Variants in ATOSA observed in about 807,000 individuals in gnomAD.
ATOSA encodes the protein atos homolog protein A.
the ATOSA span, among the ~76,000 whole-genome samples, chr15:52,603,421 G>A: frequency 1.3e-5 from 2 of 151,992 alleles, no homozygotes; most frequent in Non-Finnish European, 2.9e-5. Flanking sequence ...GACTATGGAA[G>A]TTCCTCAAAA....
the ATOSA span, among the ~76,000 whole-genome samples, chr15:52,640,598 A>AAAAAG: frequency 7.4e-6 from 1 of 135,692 alleles, no homozygotes; most frequent in Admixed American, 7.6e-5. Context: ...AAAAAAAAAA[A>AAAAAG]GGCAGCAATC....
chr15:52,597,048 G>A, the ATOSA span, among the ~76,000 whole-genome samples: 3 of 152,286 alleles, frequency 2.0e-5, no homozygotes, highest in African/African-American at 7.2e-5. Flanking sequence ...GCAAGGATGT[G>A]GAAGAACTAG....
At chr15:52,623,674 T>C in the ATOSA span, among the ~76,000 whole-genome samples, 13 of 152,294 alleles carry the variant, frequency 8.5e-5, no homozygotes, top group African/African-American at 2.9e-4. Context: ...AAGTGACCAT[T>C]GAATTTGACA....
At chr15:52,701,949 T>C in the ATOSA span, among the ~76,000 whole-genome samples, 4 of 151,744 alleles carry the variant, frequency 2.6e-5, no homozygotes, top group Non-Finnish European at 4.4e-5. Flanking sequence ...AAAAAATAAA[T>C]TTTAAAAAAG....
At chr15:52,659,245 A>G in the ATOSA span, among the ~76,000 whole-genome samples, 1 of 152,184 alleles carries the variant, frequency 6.6e-6, no homozygotes, top group South Asian at 2.1e-4. Context: ...CAGTACTTCT[A>G]GCACATATGT....
the ATOSA span, among the ~76,000 whole-genome samples, chr15:52,604,787 C>G: frequency 6.6e-6 from 1 of 152,052 alleles, no homozygotes; most frequent in African/African-American, 2.4e-5. Flanking sequence ...GATTCCAAAT[C>G]AAAAACAGCA....
the ATOSA span, among the ~76,000 whole-genome samples, chr15:52,594,516 G>A: frequency 6.6e-6 from 1 of 152,172 alleles, no homozygotes. Context: ...GAAAAGAAAT[G>A]CTACAAAGCC....
chr15:52,687,247 T>TA, the ATOSA span, among the ~76,000 whole-genome samples: 1 of 151,878 alleles, frequency 6.6e-6, no homozygotes, highest in Non-Finnish European at 1.5e-5. Context: ...CCACTACAAA[T>TA]ACAAAAAATT....
the ATOSA span, among the ~76,000 whole-genome samples, chr15:52,644,555 T>C: frequency 6.6e-6 from 1 of 152,192 alleles, no homozygotes; most frequent in East Asian, 1.9e-4. Context: ...GGCACTCAAA[T>C]GGATGTTTAA....
the ATOSA span, among the ~76,000 whole-genome samples, chr15:52,639,546 G>T: frequency 6.6e-6 from 1 of 152,170 alleles, no homozygotes; most frequent in East Asian, 1.9e-4. Flanking sequence ...TAGCAATTTA[G>T]TGCCAGTCAG....
chr15:52,664,727 A>G, the ATOSA span, among the ~76,000 whole-genome samples: 1 of 152,152 alleles, frequency 6.6e-6, no homozygotes, highest in Non-Finnish European at 1.5e-5. Context: ...AGGACTGCTC[A>G]AGGACAGGAG....
At chr15:52,684,503 C>G in the ATOSA span, among the ~76,000 whole-genome samples, 283 of 152,336 alleles carry the variant, frequency 1.9e-3, 3 homozygotes, top group East Asian at 0.025. Flanking sequence ...TGCCACTGTA[C>G]TCCAACCTAG....
chr15:52,695,222 G>T, the ATOSA span, among the ~76,000 whole-genome samples: 1 of 152,132 alleles, frequency 6.6e-6, no homozygotes, highest in Non-Finnish European at 1.5e-5. Context: ...ACCATGCCTG[G>T]CCCTGACTAC....
At chr15:52,601,202 A>AG in the ATOSA span, 6 of 1,364,078 alleles carry the variant, frequency 4.4e-6, no homozygotes, top group Non-Finnish European at 6.0e-6. Context: ...ATTAAAAAAA[A>AG]AACTGTTAAT....
chr15:52,591,807 T>C, the ATOSA span, among the ~76,000 whole-genome samples: 4 of 152,338 alleles, frequency 2.6e-5, no homozygotes, highest in Admixed American at 6.5e-5. Flanking sequence ...CATCTTTCTA[T>C]GGTAAATGAA....
chr15:52,647,736 G>A, the ATOSA span, among the ~76,000 whole-genome samples: 1 of 152,134 alleles, frequency 6.6e-6, no homozygotes, highest in Admixed American at 6.6e-5. Context: ...CAGTACACAC[G>A]AGTGTACATA....
chr15:52,598,237 C>A, the ATOSA span, among the ~76,000 whole-genome samples: 1 of 152,136 alleles, frequency 6.6e-6, no homozygotes, highest in Non-Finnish European at 1.5e-5. Flanking sequence ...CAAAAAAAAT[C>A]TAACAACATT....
chr15:52,706,472 G>A, the ATOSA span, among the ~76,000 whole-genome samples: 1 of 152,188 alleles, frequency 6.6e-6, no homozygotes, highest in Non-Finnish European at 1.5e-5. Flanking sequence ...ATGCAATGAT[G>A]TTGTTGGGAA....
the ATOSA span, among the ~76,000 whole-genome samples, chr15:52,597,690 T>C: frequency 8.5e-5 from 13 of 152,186 alleles, no homozygotes; most frequent in Non-Finnish European, 1.6e-4. Flanking sequence ...GACAGATGAA[T>C]TGAATGGATG....
Sources: gnomAD v4.1 joint callset for allele counts (sites outside exome capture counted in the v4.1 genomes callset) on GRCh38, gnomAD v4.1.1 for gene constraint, MANE v1.5 for transcripts, NCBI Gene and HGNC (gene_info 2026-07-23, HGNC 2026-07-21) for gene names.